IFNGR1: variants seen among roughly 807,000 people sequenced by gnomAD.
The protein encoded by IFNGR1 is AVP, type 2.
In IFNGR1, 23 loss-of-function variants were observed where a neutral mutation model predicts 35.4. The observed-to-expected ratio is 0.65, with a 90% CI of 0.47 to 0.92. IFNGR1 has a LOEUF of 0.92. IFNGR1 is among the 40% of genes least tolerant of loss of function. The probability of loss-of-function intolerance (pLI) is 0.00; values close to 1 mark genes in which losing one functional copy is unlikely to be tolerated. For missense variants in IFNGR1, 533 were observed against 583.4 expected, an observed-to-expected ratio of 0.91 and a Z score of 0.89; for synonymous variants, 199 against 209.5, an observed-to-expected ratio of 0.95 and a Z score of 0.43.
In IFNGR1 at chr6:137,204,418, C is replaced by T; in HGVS notation, c.460G>A (p.Gly154Arg). Residue 154 changes from glycine to arginine, a missense_variant, in exon 4 of 7, where the codon GGA becomes AGA. By Grantham distance (125) the Gly-to-Arg change is moderately radical. Transcript: ENST00000367739. ...DIFHPSVFVN[G>R]DEQEVDYDPE... ...TCATAATCGACTTCCTGCTCGTCTC[C>T]ATTTACAAAAACTGAAGGGTGAAAT... 6.2e-7 allele frequency: 1 copy of T among 1,613,874 alleles called. No homozygotes were observed. Among genetic ancestry groups the T allele is most frequent in the Non-Finnish European group, 8.5e-7 (1 of 1,179,786 alleles).
chr6:137,199,350 A>C (rs1426576580), intron 6 of IFNGR1, among the ~76,000 whole-genome samples: 1 of 130,092 alleles, frequency 7.7e-6, no homozygotes. Flanking sequence ...TATATAATTT[A>C]TAATTTATAA....
chr6:137,208,897 T>C (rs1265418446), intron 1 of IFNGR1, among the ~76,000 whole-genome samples: 1 of 152,178 alleles, frequency 6.6e-6, no homozygotes, highest in East Asian at 1.9e-4. Context: ...CTGGAAAAGC[T>C]GCAGACATTT....
intron 1 of IFNGR1, among the ~76,000 whole-genome samples, chr6:137,210,763 G>C (rs1332437151): frequency 6.6e-6 from 1 of 152,156 alleles, no homozygotes; most frequent in African/African-American, 2.4e-5. Flanking sequence ...CAGATTTCCT[G>C]ATCTGTCATG....
intron 1 of IFNGR1, among the ~76,000 whole-genome samples, chr6:137,214,526 G>C (rs1210074595): frequency 6.6e-6 from 1 of 152,196 alleles, no homozygotes; most frequent in Non-Finnish European, 1.5e-5. Context: ...ATAGTGGCCT[G>C]CAGTGAACTT....
At position 137,213,725 on chromosome 6, in the gene IFNGR1, T is replaced by C. The variant is rs555851380; in HGVS notation, c.85+5518A>G. On this transcript the variant is annotated intron_variant, in intron 1 of 6. Transcript: ENST00000367739. The stretch of plus-strand genomic sequence containing the variant: ...GCTCTGCAATAAATGTTGGTGAATG[T>C]AGGGTGGATGGCAAACTACAGATAC... 3.1e-4 allele frequency among the ~76,000 whole-genome samples: 47 copies of C among 152,276 alleles called. 2 individuals carry two copies. The South Asian group carries it at 9.1e-3, about 30-fold the overall frequency.
rs553636383 is a variant in IFNGR1, at chr6:137,215,239, T to C, written c.85+4004A>G. ...AAAAATGCTTCCAACATCTTTGTGA[T>C]CGTTTAATAAAATAAGGGGTAAATT... On this transcript the variant is annotated intron_variant, in intron 1 of 6. Coordinates refer to ENST00000367739, the MANE Select transcript of IFNGR1 (RefSeq NM_000416.3). The C allele has an allele frequency of 6.6e-5, 102 of 1,540,364 alleles. No individual in the cohort carries two copies. In the South Asian group the frequency reaches 1.2e-3, roughly 19 times the overall value.
intron 2 of IFNGR1, chr6:137,206,667 A>G (rs1582637620): frequency 2.4e-6 from 1 of 410,048 alleles, no homozygotes; most frequent in Non-Finnish European, 4.3e-6. Flanking sequence ...TTTGAAATTT[A>G]TATTGTTCTA....
intron 6 of IFNGR1, among the ~76,000 whole-genome samples, chr6:137,199,557 A>AT: frequency 3.4e-5 from 1 of 29,168 alleles, no homozygotes; most frequent in Admixed American, 5.6e-4. Flanking sequence ...ATAACATATA[A>AT]AATATATATA....
At chr6:137,214,374 C>G (rs192953104) in intron 1 of IFNGR1, among the ~76,000 whole-genome samples, 1 of 152,168 alleles carries the variant, frequency 6.6e-6, no homozygotes. Flanking sequence ...TAATGCTTTC[C>G]AACTTTCACC....
At chr6:137,203,746 A>C in intron 4 of IFNGR1, 61 bp from the exon 5 acceptor site, 1 of 1,238,110 alleles carries the variant, frequency 8.1e-7, no homozygotes, top group Non-Finnish European at 1.2e-6. Context: ...AAAAAAAAAA[A>C]ATCACCATAT....
At chr6:137,214,782 A>G (rs1779652332) in intron 1 of IFNGR1, among the ~76,000 whole-genome samples, 2 of 152,210 alleles carry the variant, frequency 1.3e-5, no homozygotes, top group South Asian at 2.1e-4. Flanking sequence ...TTCTGAATTG[A>G]AAAACAGTTG....
chr6:137,203,950 T>C (rs1370631334), intron 4 of IFNGR1, among the ~76,000 whole-genome samples: 2 of 152,194 alleles, frequency 1.3e-5, no homozygotes, highest in African/African-American at 4.8e-5. Context: ...AACTAACAAA[T>C]GTTCATTTGT....
rs1170854452 is a variant in IFNGR1, at chr6:137,200,884, G to A, written c.858C>T (p.Ser286=). The A allele has an allele frequency of 1.3e-6, 2 of 1,578,110 alleles. No individual in the cohort carries two copies. The highest frequency in any genetic ancestry group is 8.7e-7 in the Non-Finnish European group (1 of 1,152,554). ...LKEKSIILPK[S]LISVVRSATL... Reference sequence around the variant, plus strand: ...ATAAAAAAATTAAATACATTACCAAGGACTTGGGTAATATTATGCTTTTTT... The same window carrying A: ...ATAAAAAAATTAAATACATTACCAAAGACTTGGGTAATATTATGCTTTTTT... Residue 286 remains serine (S), a synonymous_variant, in exon 6 of 7, where the codon TCC becomes TCT. Transcript: ENST00000367739.
chr6:137,211,613 G>A (rs1779576471), intron 1 of IFNGR1, among the ~76,000 whole-genome samples: 1 of 152,166 alleles, frequency 6.6e-6, no homozygotes, highest in Admixed American at 6.5e-5. Context: ...CTTCCTTGTA[G>A]GTGATCCCTA....
At chr6:137,202,602 T>TACAC (rs3839519) in intron 5 of IFNGR1, among the ~76,000 whole-genome samples, 11,272 of 141,922 alleles carry the variant, frequency 0.079, 493 homozygotes, top group Non-Finnish European at 0.098. Flanking sequence ...AATATATGTA[T>TACAC]ACACACACAC....
intron 3 of IFNGR1, among the ~76,000 whole-genome samples, chr6:137,205,568 C>T (rs1678259885): frequency 6.6e-6 from 1 of 152,092 alleles, no homozygotes; most frequent in African/African-American, 2.4e-5. Context: ...CCCAGGCATT[C>T]AGAATAAGAG....
intron 6 of IFNGR1, among the ~76,000 whole-genome samples, chr6:137,199,131 C>G (rs1779175226): frequency 6.6e-6 from 1 of 151,678 alleles, no homozygotes; most frequent in Non-Finnish European, 1.5e-5. Flanking sequence ...ATGCTGAATG[C>G]TTCCTGCCCT....
At chr6:137,205,781 G>A (rs1377476128) in intron 3 of IFNGR1, among the ~76,000 whole-genome samples, 1 of 152,180 alleles carries the variant, frequency 6.6e-6, no homozygotes, top group African/African-American at 2.4e-5. Context: ...TACAGGTTGA[G>A]TATCCCATAT....
chr6:137,201,470 C>T lies in IFNGR1; in HGVS notation c.734-462G>A, dbSNP rs113448926. Among the ~76,000 whole-genome samples, 12 of 152,154 alleles carry T rather than the reference C, an allele frequency of 7.9e-5. No individual in the cohort carries two copies. In the South Asian group the frequency reaches 8.3e-4, roughly 11 times the overall value. On this transcript the variant is annotated intron_variant, in intron 5 of 6. Transcript: ENST00000367739. ...TGGGCGGATCACGAGGTCAAGAGAT[C>T]GAGACAATCTTGGCCAACATGGTGA...
Sources: gnomAD v4.1 joint callset for allele counts (sites outside exome capture counted in the v4.1 genomes callset) on GRCh38, gnomAD v4.1.1 for gene constraint, MANE v1.5 for transcripts, NCBI Gene and HGNC (gene_info 2026-07-23, HGNC 2026-07-21) for gene names.